EPHA5: variants seen among roughly 807,000 people sequenced by gnomAD.
The protein encoded by EPHA5 is EPH receptor A5, also known as ephrin type-A receptor 5.
In EPHA5, 60 loss-of-function variants were observed where a neutral mutation model predicts 105.0. That is an observed-to-expected ratio of 0.57 (90% CI 0.46 to 0.71). EPHA5 has a LOEUF of 0.71. Ranked by LOEUF, EPHA5 falls within the 30% of genes least tolerant of loss-of-function variation. The probability of loss-of-function intolerance (pLI) is 0.00; values close to 1 mark genes in which losing one functional copy is unlikely to be tolerated. For synonymous variants in EPHA5, 513 were observed against 449.1 expected (o/e 1.14, Z -1.80); for missense variants, 1,218 against 1,274.7 (o/e 0.96, Z 0.68).
At chr4:65,582,079 C>T (rs1741679840) in intron 3 of EPHA5, among the ~76,000 whole-genome samples, 1 of 151,594 alleles carries the variant, frequency 6.6e-6, no homozygotes, top group African/African-American at 2.4e-5. Flanking sequence ...CCCTCAGGAG[C>T]TGGGTTGCAT....
chr4:65,611,623 C>T (rs1744767128), intron 2 of EPHA5, among the ~76,000 whole-genome samples: 1 of 151,384 alleles, frequency 6.6e-6, no homozygotes, highest in South Asian at 2.1e-4. Context: ...TATAATGCTG[C>T]CTGTGCTCTC....
chr4:65,532,690 T>G (rs1216548288), intron 3 of EPHA5, among the ~76,000 whole-genome samples: 1 of 50,918 alleles, frequency 2.0e-5, no homozygotes, highest in East Asian at 6.5e-4. Context: ...TTTTTTTTTG[T>G]AACTCCCTTT....
intron 3 of EPHA5, among the ~76,000 whole-genome samples, chr4:65,517,896 G>T (rs1734262269): frequency 6.6e-6 from 1 of 151,874 alleles, no homozygotes. Flanking sequence ...CAGCATTAAA[G>T]ATTCTACTTT....
chr4:65,383,234 C>CAA (rs1719750211), intron 8 of EPHA5, among the ~76,000 whole-genome samples: 1 of 150,610 alleles, frequency 6.6e-6, no homozygotes, highest in African/African-American at 2.4e-5. Flanking sequence ...CACACACACA[C>CAA]ACACACACAC....
At chr4:65,474,905 T>A (rs1269031244) in intron 5 of EPHA5, among the ~76,000 whole-genome samples, 1 of 152,202 alleles carries the variant, frequency 6.6e-6, no homozygotes, top group South Asian at 2.1e-4. Context: ...CCCAAACAAC[T>A]CACGACCTTT....
chr4:65,606,519 T>C (rs1052190931), intron 2 of EPHA5, among the ~76,000 whole-genome samples: 1 of 152,190 alleles, frequency 6.6e-6, no homozygotes, highest in Non-Finnish European at 1.5e-5. Flanking sequence ...GTTTGGTAAT[T>C]CTTAATTAAA....
intron 3 of EPHA5, among the ~76,000 whole-genome samples, chr4:65,496,860 G>C (rs1282508694): frequency 6.6e-6 from 1 of 152,114 alleles, no homozygotes; most frequent in East Asian, 1.9e-4. Flanking sequence ...GGATTGGCAT[G>C]AATATTATAA....
At chr4:65,419,296 C>A (rs576391971) in intron 6 of EPHA5, among the ~76,000 whole-genome samples, 2 of 152,190 alleles carry the variant, frequency 1.3e-5, no homozygotes, top group Admixed American at 1.3e-4. Flanking sequence ...ACCATTTATT[C>A]TCCCTCTCTT....
rs17701352 is a variant in EPHA5, at chr4:65,379,024, G to T, written c.1794-11600C>A. 6.4e-3 allele frequency among the ~76,000 whole-genome samples: 978 copies of T among 151,876 alleles called. 3 individuals are homozygous for T. The highest frequency in any genetic ancestry group is 0.014 in the South Asian group (67 of 4,832). On this transcript the variant is annotated intron_variant, in intron 8 of 16. Coordinates refer to ENST00000613740, the MANE Select transcript of EPHA5 (RefSeq NM_001281766.3). The stretch of plus-strand genomic sequence containing the variant: ...AATTGTTTGTTAATGAGGAAAAAAA[G>T]ATGTCATTTCCTAACAAAACACAAA...
rs971491064 is a variant in EPHA5 at position 65,480,720 on chromosome 4, G to A, written c.1402+9657C>T. ...GCTTCATCAGGCCAGATCTGTGGTA[G>A]CGTTTTGGGCATTGTTCCTCTAAAT... On this transcript the variant is annotated intron_variant, in intron 5 of 16. Transcript: ENST00000613740. Among the ~76,000 whole-genome samples, 3 of 152,154 alleles carry A rather than the reference G, an allele frequency of 2.0e-5. No homozygotes were observed. The East Asian group carries it at 5.8e-4, about 29-fold the overall frequency.
chr4:65,652,568 C>T (rs1276208346), intron 1 of EPHA5, among the ~76,000 whole-genome samples: 1 of 152,096 alleles, frequency 6.6e-6, no homozygotes, highest in Non-Finnish European at 1.5e-5. Flanking sequence ...TATCTAACTC[C>T]AAAGCTCTTT....
intron 3 of EPHA5, among the ~76,000 whole-genome samples, chr4:65,496,692 G>T (rs961140022): frequency 6.6e-6 from 1 of 151,970 alleles, no homozygotes; most frequent in Non-Finnish European, 1.5e-5. Flanking sequence ...ATAAACATAC[G>T]TGTGCATGTG....
At chr4:65,643,977 A>G (rs1464858162) in intron 1 of EPHA5, among the ~76,000 whole-genome samples, 10 of 152,044 alleles carry the variant, frequency 6.6e-5, no homozygotes, top group African/African-American at 2.4e-4. Context: ...AAATCTACAC[A>G]CCCTTAACCA....
chr4:65,497,917 C>T (rs564667645), intron 3 of EPHA5, among the ~76,000 whole-genome samples: 1 of 151,912 alleles, frequency 6.6e-6, no homozygotes, highest in Admixed American at 6.6e-5. Flanking sequence ...ATAGACACAG[C>T]CTTGCCTTTA....
At chr4:65,532,382 ATAT>A (rs1273437320) in intron 3 of EPHA5, among the ~76,000 whole-genome samples, 11 of 151,932 alleles carry the variant, frequency 7.2e-5, no homozygotes, top group Admixed American at 6.6e-4. Context: ...TATTTTAGTA[ATAT>A]TATAATCTCT....
At chr4:65,467,062 C>T (rs1728789947) in intron 5 of EPHA5, among the ~76,000 whole-genome samples, 2 of 152,124 alleles carry the variant, frequency 1.3e-5, no homozygotes, top group Non-Finnish European at 2.9e-5. Flanking sequence ...TAAAAATACA[C>T]AAGAAAGATG....
Position 65,365,913 on chromosome 4 carries a change from G to C in EPHA5, c.1987+19C>G, listed in dbSNP as rs2148891879. On this transcript the variant is annotated intron_variant, in intron 10 of 16. Transcript: ENST00000613740. ...ATGCAAACAAAAGTTAAAAATGAAA[G>C]TCAAACACATTGTCGTACCTGCTCC... 1 of 1,593,084 alleles carries C rather than the reference G, an allele frequency of 6.3e-7. No individual in the cohort carries two copies. Among genetic ancestry groups the C allele is most frequent in the Middle Eastern group, 1.7e-4 (1 of 5,974 alleles).
In EPHA5 at chr4:65,566,899, A is replaced by T. The variant is rs549824265; in HGVS notation, c.910+34742T>A. ...TTGATAATTTTTAAAAAATTTTTAT[A>T]ACGGAGGCTTGTTTTTGAGGGTAAA... On this transcript the variant is annotated intron_variant, in intron 3 of 16. Transcript: ENST00000613740. 2.4e-3 allele frequency among the ~76,000 whole-genome samples: 369 copies of T among 151,736 alleles called. 2 individuals carry two copies. Among genetic ancestry groups the T allele is most frequent in the Non-Finnish European group, 4.3e-3 (291 of 67,698 alleles).
In EPHA5 at chr4:65,595,021, G is replaced by T. The variant is rs183533846; in HGVS notation, c.910+6620C>A. Among the ~76,000 whole-genome samples the T allele has an allele frequency of 4.3e-3, 656 of 152,028 alleles. 5 individuals are homozygous for T. The highest frequency in any genetic ancestry group is 6.2e-3 in the Non-Finnish European group (419 of 67,966). ...TTAAAGTGTAATTTTAGAAAGAAAT[G>T]AGACATACATAAAATTAATGTATTA... On this transcript the variant is annotated intron_variant, in intron 3 of 16. Transcript: ENST00000613740.
Sources: gnomAD v4.1 joint callset for allele counts (sites outside exome capture counted in the v4.1 genomes callset) on GRCh38, gnomAD v4.1.1 for gene constraint, MANE v1.5 for transcripts, NCBI Gene and HGNC (gene_info 2026-07-23, HGNC 2026-07-21) for gene names.